Variants in RGL1 observed in about 807,000 individuals in gnomAD.
RGL1 encodes the protein ral guanine nucleotide dissociation stimulator like 1, also known as ral guanine nucleotide dissociation stimulator-like 1.
Under a neutral mutation model 95.2 loss-of-function variants are expected in RGL1, and 24 were observed. The observed-to-expected ratio is 0.25, with a 90% CI of 0.18 to 0.35. The LOEUF (loss-of-function observed/expected upper bound fraction) is 0.35. Ranked by LOEUF, RGL1 falls within the 10% of genes least tolerant of loss-of-function variation. RGL1 has a pLI of 1.00. For synonymous variants in RGL1, 329 were observed against 344.9 expected (o/e 0.95, Z 0.51); for missense variants, 715 against 936.3 (o/e 0.76, Z 3.08).
At chr1:183,839,109 T>G (rs1663861195) in intron 2 of RGL1, among the ~76,000 whole-genome samples, 1 of 152,218 alleles carries the variant, frequency 6.6e-6, no homozygotes, top group Non-Finnish European at 1.5e-5. Context: ...TGCAAGTGCC[T>G]CTTCTGGTGC....
intron 1 of RGL1, among the ~76,000 whole-genome samples, chr1:183,678,716 A>G (rs755875865): frequency 7.9e-5 from 12 of 151,696 alleles, no homozygotes; most frequent in Non-Finnish European, 1.8e-4. Context: ...TTCTTTTTTT[A>G]AAAAAGTTGT....
intron 1 of RGL1, among the ~76,000 whole-genome samples, chr1:183,662,626 G>A (rs1308878189): frequency 6.6e-6 from 1 of 152,132 alleles, no homozygotes; most frequent in Non-Finnish European, 1.5e-5. Flanking sequence ...CATAAAAATG[G>A]CCATACTGCC....
intron 1 of RGL1, among the ~76,000 whole-genome samples, chr1:183,714,472 C>A (rs1036178727): frequency 2.0e-5 from 3 of 152,156 alleles, no homozygotes; most frequent in African/African-American, 7.2e-5. Context: ...GACTCACACA[C>A]CAGGATTAAG....
intron 1 of RGL1, among the ~76,000 whole-genome samples, chr1:183,727,501 T>C (rs1656378596): frequency 6.6e-6 from 1 of 152,234 alleles, no homozygotes; most frequent in South Asian, 2.1e-4. Flanking sequence ...AACCTGTTGC[T>C]GACTTAGTAT....
intron 1 of RGL1, among the ~76,000 whole-genome samples, chr1:183,723,233 T>A (rs1177236417): frequency 6.6e-6 from 1 of 152,192 alleles, no homozygotes; most frequent in Non-Finnish European, 1.5e-5. Context: ...AATACTCAGC[T>A]AGCAGGAGGC....
At chr1:183,876,173 A>G (rs573726723) in intron 4 of RGL1, among the ~76,000 whole-genome samples, 11 of 152,334 alleles carry the variant, frequency 7.2e-5, no homozygotes, top group African/African-American at 2.4e-4. Context: ...TGTGATGCTC[A>G]TCGCATAAAT....
intron 14 of RGL1, among the ~76,000 whole-genome samples, chr1:183,911,370 G>A (rs531637670): frequency 6.6e-6 from 1 of 152,272 alleles, no homozygotes; most frequent in African/African-American, 2.4e-5. Context: ...AGCCCTTTGT[G>A]GGCCCTGGCT....
intron 12 of RGL1, among the ~76,000 whole-genome samples, 188 bp from the exon 13 acceptor site, chr1:183,904,662 C>G (rs750002187): frequency 1.3e-5 from 2 of 152,124 alleles, no homozygotes; most frequent in Non-Finnish European, 2.9e-5. Flanking sequence ...TTGGAGAGTT[C>G]TAGTTAGAAT....
chr1:183,641,962 T>C (rs1649953824), intron 1 of RGL1, among the ~76,000 whole-genome samples: 1 of 152,210 alleles, frequency 6.6e-6, no homozygotes, highest in South Asian at 2.1e-4. Flanking sequence ...CTTATAATTA[T>C]TTTAGTATCT....
chr1:183,758,729 C>T (rs746710686), intron 2 of RGL1, among the ~76,000 whole-genome samples: 9 of 152,120 alleles, frequency 5.9e-5, no homozygotes, highest in Non-Finnish European at 1.0e-4. Flanking sequence ...AAAGCTCTGC[C>T]TCCTAATATC....
intron 1 of RGL1, among the ~76,000 whole-genome samples, chr1:183,677,923 G>A (rs544735238): frequency 2.6e-5 from 4 of 152,170 alleles, no homozygotes; most frequent in African/African-American, 9.7e-5. Flanking sequence ...CTGAACAGAG[G>A]TTCTTGATAA....
At chr1:183,717,148 T>C (rs777622369) in intron 1 of RGL1, among the ~76,000 whole-genome samples, 1 of 152,226 alleles carries the variant, frequency 6.6e-6, no homozygotes, top group Non-Finnish European at 1.5e-5. Context: ...AATTTTTATA[T>C]GTACCTACTC....
chr1:183,785,137 T>C (rs1202366639), intron 2 of RGL1, among the ~76,000 whole-genome samples: 1 of 152,206 alleles, frequency 6.6e-6, no homozygotes, highest in Non-Finnish European at 1.5e-5. Flanking sequence ...GTAGCTCTAC[T>C]GCATGAAATC....
Position 183,668,935 on chromosome 1 carries a change from C to CTTTTTTTTTTTTTTTTTTTTT in RGL1, c.-33+32438_-33+32439insTTTTTTTTTTTTTTTTTTTTT, listed in dbSNP as rs551008973. ...CTTTTTGCTTTTGGTATTGGACTTT[C>CTTTTTTTTTTTTTTTTTTTTT]TTTTCTTTTTTTTTTTTTTTGAGAT... On this transcript the variant is annotated intron_variant, in intron 1 of 18. Coordinates refer to the RGL1 transcript ENST00000304685. Among the ~76,000 whole-genome samples the CTTTTTTTTTTTTTTTTTTTTT allele has an allele frequency of 5.2e-5, 6 of 115,556 alleles. 3 individuals carry two copies. The highest frequency in any genetic ancestry group is 7.2e-5 in the Non-Finnish European group (4 of 55,460). The allele number at this position is 115,556 out of a possible 152,430, so 75.8% of individuals were successfully genotyped here.
At chr1:183,697,849 C>T (rs1654344008) in intron 1 of RGL1, among the ~76,000 whole-genome samples, 1 of 152,234 alleles carries the variant, frequency 6.6e-6, no homozygotes, top group Non-Finnish European at 1.5e-5. Context: ...TCTCTCCCTT[C>T]CCCACTGTAC....
chr1:183,684,008 A>T (rs1653397695), intron 1 of RGL1, among the ~76,000 whole-genome samples: 1 of 152,050 alleles, frequency 6.6e-6, no homozygotes, highest in South Asian at 2.1e-4. Flanking sequence ...TGTGTTTTTC[A>T]GCTCCATCAG....
chr1:183,901,063 G>T (rs1667987944), intron 11 of RGL1, among the ~76,000 whole-genome samples: 1 of 151,654 alleles, frequency 6.6e-6, no homozygotes, highest in South Asian at 2.1e-4. Flanking sequence ...CACTTTGGGA[G>T]GCTGAGACAG....
intron 1 of RGL1, among the ~76,000 whole-genome samples, chr1:183,642,133 G>T (rs993611644): frequency 1.3e-5 from 2 of 152,088 alleles, no homozygotes; most frequent in Admixed American, 1.3e-4. Context: ...AGACTCATAG[G>T]TTTGATAAAA....
chr1:183,817,504 G>T (rs1216004394), intron 2 of RGL1, among the ~76,000 whole-genome samples: 1 of 152,006 alleles, frequency 6.6e-6, no homozygotes, highest in South Asian at 2.1e-4. Context: ...GTCTTTGGCT[G>T]CTCGGCCACA....
Sources: gnomAD v4.1 joint callset for allele counts (sites outside exome capture counted in the v4.1 genomes callset) on GRCh38, gnomAD v4.1.1 for gene constraint, MANE v1.5 for transcripts, NCBI Gene and HGNC (gene_info 2026-07-23, HGNC 2026-07-21) for gene names.